Variants in THSD7A observed in about 807,000 individuals in gnomAD.
The protein encoded by THSD7A is thrombospondin type-1 domain-containing protein 7A.
A neutral mutation model predicts 231.3 loss-of-function variants in THSD7A; 96 were observed. The observed-to-expected ratio is 0.41, with a 90% CI of 0.35 to 0.49. The LOEUF (loss-of-function observed/expected upper bound fraction) is 0.49, where lower values mean the gene tolerates loss of function less well. Among genes scored for constraint, THSD7A ranks in the 20% least tolerant of loss-of-function variants. The pLI, the probability that THSD7A is intolerant of heterozygous loss-of-function variation, is 0.05. For synonymous variants in THSD7A, 940 were observed against 743.3 expected, an observed-to-expected ratio of 1.26 and a Z score of -4.30; for missense variants, 2,290 against 2,070.2, an observed-to-expected ratio of 1.11 and a Z score of -2.06.
intron 23 of THSD7A, among the ~76,000 whole-genome samples, chr7:11,400,481 TG>T (rs71550889): frequency 0.17 from 25,715 of 152,184 alleles, 2,260 homozygotes; most frequent in Non-Finnish European, 0.19. Context: ...CTCTCTAAGG[TG>T]TGCGTGTGGA....
In THSD7A at chr7:11,593,496, G is replaced by A. The variant is rs758427845; in HGVS notation, c.1029C>T (p.Cys343=). 8 of 1,613,572 alleles carry A rather than the reference G, an allele frequency of 5.0e-6. No individual in the cohort carries two copies. Among genetic ancestry groups the A allele is most frequent in the Admixed American group, 1.7e-5 (1 of 59,990 alleles). ...AGGTCATTGGAAGCTTCTCTTGCTG[G>A]CAAAAGCTGTAAAAGAGCATTGATA... The part of the protein sequence containing the change: ...KTGKAADLSF[C]QQEKLPMTFQ... Residue 343 remains cysteine (C), a synonymous_variant, in exon 3 of 28, where the codon TGC becomes TGT. Transcript: ENST00000423059.
intron 1 of THSD7A, among the ~76,000 whole-genome samples, chr7:11,687,958 G>A (rs1338109390): frequency 1.3e-5 from 2 of 151,312 alleles, no homozygotes; most frequent in African/African-American, 2.4e-5. Context: ...TGTGCACAAT[G>A]TGCATGTTAG....
intron 1 of THSD7A, among the ~76,000 whole-genome samples, chr7:11,767,074 T>C (rs1252147616): frequency 6.6e-6 from 1 of 152,182 alleles, no homozygotes; most frequent in Non-Finnish European, 1.5e-5. Flanking sequence ...TGGGTGTGTG[T>C]ACATGCATGT....
intron 1 of THSD7A, among the ~76,000 whole-genome samples, chr7:11,641,928 T>C (rs1782097418): frequency 6.6e-6 from 1 of 151,896 alleles, no homozygotes; most frequent in African/African-American, 2.4e-5. Context: ...GTCTACTTCT[T>C]CCCTCCAAGC....
intron 22 of THSD7A, among the ~76,000 whole-genome samples, chr7:11,405,021 C>A (rs1316879997): frequency 6.6e-6 from 1 of 152,024 alleles, no homozygotes; most frequent in Non-Finnish European, 1.5e-5. Flanking sequence ...AAGATCAATA[C>A]AATAGTTGGA....
At chr7:11,602,298 ATGTG>A (rs1251812299) in intron 2 of THSD7A, among the ~76,000 whole-genome samples, 1 of 152,002 alleles carries the variant, frequency 6.6e-6, no homozygotes, top group Non-Finnish European at 1.5e-5. Flanking sequence ...GTGTGCATAT[ATGTG>A]TGTGTGTATG....
intron 4 of THSD7A, among the ~76,000 whole-genome samples, chr7:11,566,065 G>C (rs1258669943): frequency 2.6e-5 from 4 of 152,128 alleles, no homozygotes; most frequent in Non-Finnish European, 4.4e-5. Flanking sequence ...TAGCAGTAAG[G>C]CTTCTGGGAT....
At chr7:11,783,561 A>G (rs1387434677) in intron 1 of THSD7A, among the ~76,000 whole-genome samples, 1 of 152,140 alleles carries the variant, frequency 6.6e-6, no homozygotes, top group Non-Finnish European at 1.5e-5. Context: ...ACTGTTTAAC[A>G]ACTGTTGGCA....
At position 11,636,503 on chromosome 7, in the gene THSD7A, G is replaced by A. The variant is rs898745538; in HGVS notation, c.649C>T (p.Arg217Trp). 3 of 1,613,832 alleles carry A rather than the reference G, an allele frequency of 1.9e-6. No homozygotes were observed. The highest frequency in any genetic ancestry group is 1.7e-6 in the Non-Finnish European group (2 of 1,179,860). ...SKTCGSGLQH[R>W]TRHVVAPPQF... is the part of the protein sequence containing the mutation. ...GGGGGCGCCACCACATGACGCGTCC[G>A]GTGCTGGAGCCCGCTGCCGCAGGTC... The change falls in exon 2 of 28, where the codon CGG (arginine) becomes TGG (tryptophan). Residue 217 changes from arginine (R) to tryptophan (W), a missense_variant. Coordinates refer to ENST00000423059, the MANE Select transcript of THSD7A (RefSeq NM_015204.3). The surrounding 1 kb of genome is among the most constrained non-coding windows in gnomAD (Gnocchi z 10.0).
chr7:11,733,407 T>C (rs1191818845), intron 1 of THSD7A, among the ~76,000 whole-genome samples: 1 of 151,846 alleles, frequency 6.6e-6, no homozygotes, highest in Admixed American at 6.6e-5. Flanking sequence ...CCAGAAAATA[T>C]CTATGCATAA....
At chr7:11,563,150 C>A (rs1235296005) in intron 4 of THSD7A, among the ~76,000 whole-genome samples, 4 of 152,000 alleles carry the variant, frequency 2.6e-5, no homozygotes, top group African/African-American at 9.7e-5. Flanking sequence ...TTCCTCTTGT[C>A]TTTCTCAGCC....
chr7:11,466,953 C>T (rs576598386), intron 9 of THSD7A, among the ~76,000 whole-genome samples: 1 of 152,214 alleles, frequency 6.6e-6, no homozygotes, highest in Non-Finnish European at 1.5e-5. Flanking sequence ...CCCTCCCCAG[C>T]TCCAGGTCAT....
At chr7:11,427,819 GA>G (rs1324997128) in intron 14 of THSD7A, among the ~76,000 whole-genome samples, 1 of 152,070 alleles carries the variant, frequency 6.6e-6, no homozygotes, top group African/African-American at 2.4e-5. Flanking sequence ...TAGCATCTTA[GA>G]AATGCAAAAT....
chr7:11,545,769 G>A lies in THSD7A; in HGVS notation c.1454-2652C>T, dbSNP rs78738590. 1.4e-3 allele frequency among the ~76,000 whole-genome samples: 219 copies of A among 152,290 alleles called. 1 individual carries two copies. Among genetic ancestry groups the A allele is most frequent in the Non-Finnish European group, 1.4e-3 (96 of 68,036 alleles). On this transcript the variant is annotated intron_variant, in intron 4 of 27. Transcript: ENST00000423059. Reference sequence around the variant, plus strand: ...AGAGCTTATTGGAGAGTTATCAGGGGCAGGTCTCTAATATGTGCAGAATCC... The same window carrying A: ...AGAGCTTATTGGAGAGTTATCAGGGACAGGTCTCTAATATGTGCAGAATCC...
chr7:11,713,401 AG>A (rs1455300376), intron 1 of THSD7A, among the ~76,000 whole-genome samples: 1 of 151,198 alleles, frequency 6.6e-6, no homozygotes, highest in African/African-American at 2.4e-5. Context: ...CAGTTAAAAA[AG>A]ATAAATTGAC....
intron 23 of THSD7A, chr7:11,385,699 G>T (rs190003204): frequency 9.7e-4 from 148 of 151,966 alleles, no homozygotes; most frequent in African/African-American, 3.4e-3. Context: ...TTATGATTTT[G>T]ACATCTACTT....
rs748972424 is a variant in THSD7A, at chr7:11,831,870, A to AGCAGCT, written c.71_76dup (p.Gln24_Leu25dup). ...CAGCGGCAGCGGCAGCGGCAGCGGC[A>AGCAGCT]GCAGCTGCAGGACGCCCCGGCGCGG... is the stretch of plus-strand genomic sequence containing the variant. On this transcript the variant is annotated inframe_insertion, in exon 1 of 28. Transcript: ENST00000423059. The surrounding 1 kb of genome is among the most constrained non-coding windows in gnomAD (Gnocchi z 5.0). 1.8e-3 allele frequency: 2,262 copies of AGCAGCT among 1,288,388 alleles called. 22 individuals are homozygous for AGCAGCT. In the South Asian group the frequency reaches 0.019, roughly 11 times the overall value. 79.8% of individuals were successfully genotyped at this position (1,288,388 alleles called of 1,614,324 possible). A position where few individuals can be genotyped will look rare whatever the true frequency, so the allele number is the denominator to read the frequency against.
chr7:11,753,200 T>C (rs1782561437), intron 1 of THSD7A, among the ~76,000 whole-genome samples: 2 of 152,014 alleles, frequency 1.3e-5, no homozygotes, highest in South Asian at 4.1e-4. Context: ...CTTTAATCAA[T>C]TTGTTTGTTT....
In THSD7A at chr7:11,700,289, T is replaced by G. The variant is rs377107705; in HGVS notation, c.191-63328A>C. On this transcript the variant is annotated intron_variant, in intron 1 of 27. Coordinates refer to ENST00000423059, the MANE Select transcript of THSD7A (RefSeq NM_015204.3). Reference sequence around the variant, plus strand: ...TTAACTAAATAATGTACACTTTTACTCTACAATAATAGTACAATAACGTAG... The same window carrying G: ...TTAACTAAATAATGTACACTTTTACGCTACAATAATAGTACAATAACGTAG... 1.7e-4 allele frequency among the ~76,000 whole-genome samples: 25 copies of G among 151,326 alleles called. No individual in the cohort carries two copies. In the South Asian group the frequency reaches 5.2e-3, roughly 31 times the overall value.
Sources: allele counts gnomAD v4.1 joint callset (sites outside exome capture counted in the v4.1 genomes callset), GRCh38; gene constraint gnomAD v4.1.1; non-coding constraint Gnocchi (gnomAD v3.1); transcripts MANE v1.5; gene names NCBI Gene and HGNC (gene_info 2026-07-23, HGNC 2026-07-21).